The following CTTN variants were observed in gnomAD, a reference collection of about 807,000 sequenced individuals.
The protein encoded by CTTN is cortactin, also known as src substrate cortactin.
In CTTN, 28 loss-of-function variants were observed where a neutral mutation model predicts 84.0. The ratio of observed to expected loss-of-function variants is 0.33; its 90% confidence interval spans 0.25 to 0.46. The LOEUF (loss-of-function observed/expected upper bound fraction) is 0.46. CTTN is among the 20% of genes least tolerant of loss of function. The probability of loss-of-function intolerance (pLI) is 1.00; values close to 1 mark genes in which losing one functional copy is unlikely to be tolerated. For missense variants in CTTN, 641 were observed against 723.8 expected (o/e 0.89, Z 1.31); for synonymous variants, 301 against 288.8 (o/e 1.04, Z -0.43).
intron 1 of CTTN, among the ~76,000 whole-genome samples, chr11:70,402,417 G>C (rs796214718): frequency 2.0e-4 from 31 of 152,258 alleles, no homozygotes; most frequent in African/African-American, 7.2e-4. Context: ...TGTCACCACA[G>C]TCAATTTCAG....
rs534372820 is a variant in CTTN, at chr11:70,410,102, C to G, written c.291+142C>G. On this transcript the variant is annotated intron_variant, in intron 5 of 17. Transcript: ENST00000301843. ...GGTTGCGATTTGCCCGGAGTAGACC[C>G]CTGTTGATTGGACTTACTCATGAAG... 2.3e-5 allele frequency: 19 copies of G among 810,372 alleles called. No homozygotes were observed. The South Asian group carries it at 3.1e-4, about 13-fold the overall frequency. 50.2% of individuals were successfully genotyped at this position (810,372 alleles called of 1,614,324 possible). A position where few individuals can be genotyped will look rare whatever the true frequency, so the allele number is the denominator to read the frequency against.
chr11:70,420,926 G>C (rs566024486), intron 10 of CTTN, among the ~76,000 whole-genome samples: 3 of 152,356 alleles, frequency 2.0e-5, no homozygotes, highest in African/African-American at 4.8e-5. Flanking sequence ...CCTCATCCAG[G>C]CTTCTTGTCT....
At chr11:70,407,867 C>A (rs766241826) in intron 4 of CTTN, 16 of 415,046 alleles carry the variant, frequency 3.9e-5, no homozygotes, top group Non-Finnish European at 6.9e-5. Flanking sequence ...TTAGAGTGTC[C>A]GCTTCTCAGT....
chr11:70,400,453 C>T (rs777296888), intron 1 of CTTN, among the ~76,000 whole-genome samples: 48 of 152,042 alleles, frequency 3.2e-4, no homozygotes, highest in Middle Eastern at 3.4e-3. Flanking sequence ...CAGAGCGAGA[C>T]CCTGTCACCC....
intron 16 of CTTN, 133 bp from the exon 17 acceptor site, chr11:70,433,514 G>C (rs1048127260): frequency 1.2e-6 from 1 of 839,822 alleles, no homozygotes; most frequent in Admixed American, 1.9e-5. Context: ...GGCAGGGGCA[G>C]AGGAAGGGAG....
intron 12 of CTTN, 110 bp downstream of exon 12, chr11:70,423,105 T>G (rs1462843882): frequency 7.5e-7 from 1 of 1,326,266 alleles, no homozygotes; most frequent in East Asian, 2.4e-5. Flanking sequence ...CACAAGTGAT[T>G]TCCGTCGTGG....
Position 70,431,248 on chromosome 11 carries a change from G to A in CTTN, c.1234G>A (p.Glu412Lys), listed in dbSNP as rs764037351. The change falls in exon 15 of 18, where the codon GAG becomes AAG. Residue 412 changes from glutamate to lysine, a missense_variant. Physicochemically the swap from Glu to Lys is moderately conservative, Grantham distance 56. Coordinates refer to ENST00000301843, the MANE Select transcript of CTTN (RefSeq NM_005231.4). Reference protein sequence around the residue: ...PPVSPAPQPTEERLPSSPVYE... With the variant: ...PPVSPAPQPTKERLPSSPVYE... The stretch of plus-strand genomic sequence containing the variant: ...TGTGTCGCCCGCACCTCAGCCAACC[G>A]AGGAGAGGCTGCCCTCGAGCCCCGT... 6 of 1,614,040 alleles carry A rather than the reference G, an allele frequency of 3.7e-6. No homozygotes were observed. The highest frequency in any genetic ancestry group is 3.3e-5 in the Admixed American group (2 of 60,010).
chr11:70,429,176 G>C lies in CTTN; in HGVS notation c.1153G>C (p.Glu385Gln), dbSNP rs1000454306. The C allele has an allele frequency of 5.6e-6, 9 of 1,613,164 alleles. No homozygotes were observed. In the Admixed American group the frequency reaches 1.0e-4, roughly 18 times the overall value. Reference protein sequence around the residue: ...QRMAKERQEQEEARRKLEEQA... With the variant: ...QRMAKERQEQQEARRKLEEQA... ...GATGGCCAAGGAGCGGCAGGAGCAGGAAGAGGCCAGGAGGAAGCTGGAGGT... is the reference window on the plus strand; with the variant it reads ...GATGGCCAAGGAGCGGCAGGAGCAGCAAGAGGCCAGGAGGAAGCTGGAGGT... Residue 385 changes from glutamate to glutamine, a missense_variant, in exon 14 of 18, where the codon GAA becomes CAA. By Grantham distance (29) the Glu-to-Gln change is conservative. Around this residue, in one of 3 missense-constraint regions of CTTN, gnomAD observed 289 missense variants for 273.1 expected, o/e 1.06. Transcript: ENST00000301843.
intron 1 of CTTN, among the ~76,000 whole-genome samples, chr11:70,399,174 G>A (rs1303123631): frequency 6.6e-6 from 1 of 151,586 alleles, no homozygotes; most frequent in Non-Finnish European, 1.5e-5. Context: ...GGTCTGAGAG[G>A]GAGGTGTCTG....
chr11:70,431,857 A>G (rs976826652), intron 15 of CTTN, among the ~76,000 whole-genome samples: 4 of 151,912 alleles, frequency 2.6e-5, no homozygotes, highest in African/African-American at 9.7e-5. Flanking sequence ...TGCCCCGCCC[A>G]TCCCTGACTT....
At chr11:70,408,749 C>A (rs1352140546) in intron 4 of CTTN, among the ~76,000 whole-genome samples, 1 of 152,184 alleles carries the variant, frequency 6.6e-6, no homozygotes, top group Non-Finnish European at 1.5e-5. Flanking sequence ...GCTTGCTCAG[C>A]ACACTCCCTT....
intron 7 of CTTN, 43 bp downstream of exon 7, chr11:70,415,760 C>G: frequency 6.3e-7 from 1 of 1,594,518 alleles, no homozygotes; most frequent in Non-Finnish European, 8.6e-7. Flanking sequence ...CCGGGGGCCC[C>G]GATGGGGAGA....
In CTTN at chr11:70,435,682, C is replaced by A; in HGVS notation, c.*520C>A. 6.3e-7 allele frequency: 1 copy of A among 1,597,474 alleles called. No homozygotes were observed. Among genetic ancestry groups the A allele is most frequent in the Non-Finnish European group, 8.5e-7 (1 of 1,179,468 alleles). On this transcript the variant is annotated 3_prime_UTR_variant, in exon 18 of 18. Transcript: ENST00000301843. The stretch of plus-strand genomic sequence containing the variant: ...ACCCGGAGCTAAGTCACCCAGAGCA[C>A]AGGAGCTGCCATGTCAGATGGGAAA...
At chr11:70,423,063 G>T (rs374740185) in intron 12 of CTTN, 68 bp downstream of exon 12, 3 of 1,580,508 alleles carry the variant, frequency 1.9e-6, no homozygotes, top group Non-Finnish European at 2.6e-6. Context: ...GTGGCTCACC[G>T]TGCTGGCCAA....
Position 70,417,111 on chromosome 11 carries a change from G to T in CTTN, c.556G>T (p.Glu186Ter). ...FDYQGKTEKH[E>*]SQRDYSKGFG... ...CTACCAGGGCAAGACGGAGAAGCAC[G>T]AGTCACAGAGAGGTGGGGCGGACCC... is the stretch of plus-strand genomic sequence containing the variant. Residue 186 changes from glutamate (E) to a stop codon, truncating the protein, a stop_gained, in exon 8 of 18, where the codon GAG becomes TAG. Coordinates refer to ENST00000301843, the MANE Select transcript of CTTN (RefSeq NM_005231.4). LOFTEE classifies it high-confidence loss of function. The T allele has an allele frequency of 6.2e-7, 1 of 1,613,886 alleles. No homozygotes were observed. The highest frequency in any genetic ancestry group is 8.5e-7 in the Non-Finnish European group (1 of 1,179,774).
Position 70,435,025 on chromosome 11 carries a change from G to C in CTTN, c.1517-1G>C. On this transcript the variant is annotated splice_acceptor_variant, in intron 17 of 17. Transcript: ENST00000301843. LOFTEE classifies it high-confidence loss of function. ...ATCTTTCTCTGTGTTCTCTTCCCCAGCGGGCGATGATGAGATCTCATTTGA... is the reference window on the plus strand; with the variant it reads ...ATCTTTCTCTGTGTTCTCTTCCCCACCGGGCGATGATGAGATCTCATTTGA... 8 of 1,613,922 alleles carry C rather than the reference G, an allele frequency of 5.0e-6. No homozygotes were observed. Among genetic ancestry groups the C allele is most frequent in the Non-Finnish European group, 6.8e-6 (8 of 1,179,998 alleles).
chr11:70,435,797 C>T lies in CTTN; in HGVS notation c.*635C>T, dbSNP rs1203259698. The T allele has an allele frequency of 7.0e-6, 11 of 1,576,878 alleles. No homozygotes were observed. Among genetic ancestry groups the T allele is most frequent in the Admixed American group, 1.7e-5 (1 of 57,302 alleles). ...TTTCCTGTGCCCACTCCGGCTTGTC[C>T]TCATCTCTACCCATCCCCTGATGCC... On this transcript the variant is annotated 3_prime_UTR_variant, in exon 18 of 18. Transcript: ENST00000301843.
At chr11:70,415,907 T>A (rs2058152894) in intron 7 of CTTN, 190 bp downstream of exon 7, 2 of 618,258 alleles carry the variant, frequency 3.2e-6, no homozygotes, top group East Asian at 5.5e-5. Flanking sequence ...TTCTGGATCA[T>A]CTGGATACCA....
chr11:70,430,916 T>C (rs1457604632), intron 14 of CTTN, among the ~76,000 whole-genome samples: 1 of 151,870 alleles, frequency 6.6e-6, no homozygotes, highest in East Asian at 1.9e-4. Flanking sequence ...TGGTGGGATC[T>C]GAGGCTTGGT....
Sources: allele counts gnomAD v4.1 joint callset (sites outside exome capture counted in the v4.1 genomes callset), GRCh38; gene constraint gnomAD v4.1.1; regional missense constraint gnomAD v4.1.1; transcripts MANE v1.5; gene names NCBI Gene and HGNC (gene_info 2026-07-23, HGNC 2026-07-21).